Variants in FNDC3B observed in about 807,000 individuals in gnomAD.
FNDC3B encodes the protein fibronectin type III domain containing 3B.
FNDC3B carries 12 observed loss-of-function variants against 151.5 expected under a neutral mutation model. The observed-to-expected ratio is 0.08, with a 90% confidence interval of 0.05 to 0.13. The LOEUF is 0.13. Ranked by LOEUF, FNDC3B falls within the 10% of genes least tolerant of loss-of-function variation. The probability of loss-of-function intolerance (pLI) is 1.00; values close to 1 mark genes in which losing one functional copy is unlikely to be tolerated. For missense variants in FNDC3B, 1,214 were observed against 1,505.3 expected (o/e 0.81, Z 3.20); for synonymous variants, 528 against 549.0 (o/e 0.96, Z 0.54).
intron 14 of FNDC3B, 81 bp downstream of exon 14, chr3:172,333,256 C>G (rs564194142): frequency 1.1e-6 from 1 of 905,446 alleles, no homozygotes; most frequent in South Asian, 1.3e-5. Flanking sequence ...CAGATTGACT[C>G]TACAGGTTAA....
chr3:172,308,700 A>G (rs540313177), intron 10 of FNDC3B, among the ~76,000 whole-genome samples: 74 of 152,324 alleles, frequency 4.9e-4, no homozygotes, highest in African/African-American at 1.7e-3. Flanking sequence ...CTGGCTTAGA[A>G]TCTGAACTAT....
intron 3 of FNDC3B, among the ~76,000 whole-genome samples, chr3:172,224,752 G>T (rs1051524285): frequency 2.0e-5 from 3 of 152,156 alleles, no homozygotes; most frequent in African/African-American, 7.2e-5. Context: ...TTCCAGCTGA[G>T]CAATTTTCAT....
intron 3 of FNDC3B, among the ~76,000 whole-genome samples, chr3:172,174,006 T>G (rs1382750644): frequency 1.3e-5 from 2 of 152,208 alleles, no homozygotes; most frequent in Non-Finnish European, 2.9e-5. Context: ...GAACTGAGAA[T>G]CCATTCATGG....
In FNDC3B at chr3:172,040,397, C is replaced by T. The variant is rs1715967821; in HGVS notation, c.-29+626C>T. Among the ~76,000 whole-genome samples, 1 of 151,932 alleles carries T rather than the reference C, an allele frequency of 6.6e-6. No individual in the cohort carries two copies. Among genetic ancestry groups the T allele is most frequent in the African/African-American group, 2.4e-5 (1 of 41,418 alleles). On this transcript the variant is annotated intron_variant, in intron 1 of 25. Transcript: ENST00000415807. This position sits in a 1 kb window ranked among gnomAD's most constrained non-coding sequence, Gnocchi z 6.6. ...TCCCGAGCCCGCGCCGGCCTGGCCC[C>T]CCCGTCCCCGGCTGGGCCTCTCCGG...
chr3:172,069,898 T>C, intron 1 of FNDC3B, among the ~76,000 whole-genome samples: 1 of 152,218 alleles, frequency 6.6e-6, no homozygotes, highest in East Asian at 1.9e-4. Flanking sequence ...ATATCGTTTA[T>C]TGTAGCATTC....
chr3:172,318,393 T>G (rs1157070300), intron 11 of FNDC3B, among the ~76,000 whole-genome samples: 2 of 152,226 alleles, frequency 1.3e-5, no homozygotes, highest in African/African-American at 4.8e-5. Context: ...GAGCCTTGTT[T>G]AGGGATTGAG....
At chr3:172,237,687 T>C (rs1022553417) in intron 4 of FNDC3B, 5 of 152,262 alleles carry the variant, frequency 3.3e-5, no homozygotes, top group African/African-American at 1.2e-4. Context: ...GGGGACTTTT[T>C]GTTCATGAAT....
intron 5 of FNDC3B, 101 bp from the exon 6 acceptor site, chr3:172,251,141 AATACTTTAGACTTCCTTT>A (rs1728044883): frequency 7.6e-6 from 6 of 787,296 alleles, no homozygotes; most frequent in African/African-American, 3.5e-5. Flanking sequence ...TCTATTTAGT[AATACTTTAGACTTCCTTT>A]ATACTTTAGA....
chr3:172,387,655 T>TACATGTACCC (rs1185318302), intron 25 of FNDC3B, among the ~76,000 whole-genome samples: 2 of 152,174 alleles, frequency 1.3e-5, no homozygotes, highest in Non-Finnish European at 2.9e-5. Flanking sequence ...AAAATTCCCA[T>TACATGTACCC]ACATGTACCC....
intron 3 of FNDC3B, among the ~76,000 whole-genome samples, chr3:172,134,008 A>C (rs1721239006): frequency 6.6e-6 from 1 of 152,196 alleles, no homozygotes; most frequent in Admixed American, 6.5e-5. Flanking sequence ...GTGAATACCA[A>C]GAGGCAGGTC....
At chr3:172,280,224 C>T (rs1309778444) in intron 6 of FNDC3B, among the ~76,000 whole-genome samples, 2 of 152,192 alleles carry the variant, frequency 1.3e-5, no homozygotes, top group Non-Finnish European at 2.9e-5. Context: ...CATCAACACA[C>T]ATTCTTAATA....
At chr3:172,203,216 C>T (rs1263130622) in intron 3 of FNDC3B, among the ~76,000 whole-genome samples, 1 of 152,224 alleles carries the variant, frequency 6.6e-6, no homozygotes, top group Admixed American at 6.5e-5. Flanking sequence ...TCCCCTGTGG[C>T]ACTTACTCAT....
intron 25 of FNDC3B, among the ~76,000 whole-genome samples, chr3:172,396,146 G>A (rs760054214): frequency 6.6e-6 from 1 of 152,200 alleles, no homozygotes; most frequent in Non-Finnish European, 1.5e-5. Flanking sequence ...GAAATAACCC[G>A]AATGTCCATC....
intron 3 of FNDC3B, among the ~76,000 whole-genome samples, chr3:172,150,216 A>T (rs1722150289): frequency 6.6e-6 from 1 of 152,138 alleles, no homozygotes; most frequent in South Asian, 2.1e-4. Context: ...ACCTTCAGAG[A>T]TTTAGATACA....
At chr3:172,273,560 T>C (rs963402427) in intron 6 of FNDC3B, among the ~76,000 whole-genome samples, 1 of 152,174 alleles carries the variant, frequency 6.6e-6, no homozygotes, top group Non-Finnish European at 1.5e-5. Context: ...ATTTTCTGGG[T>C]AGATTAGTGT....
chr3:172,219,559 C>T (rs1316866158), intron 3 of FNDC3B, among the ~76,000 whole-genome samples: 1 of 152,206 alleles, frequency 6.6e-6, no homozygotes, highest in African/African-American at 2.4e-5. Flanking sequence ...GTTTCCAAAA[C>T]GTTTTTCATC....
chr3:172,119,726 T>C lies in FNDC3B; in HGVS notation c.111+7136T>C, dbSNP rs930658124. On this transcript the variant is annotated intron_variant, in intron 2 of 25. Coordinates refer to ENST00000415807, the MANE Select transcript of FNDC3B (RefSeq NM_022763.4). ...CTGCATAGTCGGTGATCTCTTTGCTTGAACTTCTGCTACTTAGTGTCTTTG... is the reference window on the plus strand; with the variant it reads ...CTGCATAGTCGGTGATCTCTTTGCTCGAACTTCTGCTACTTAGTGTCTTTG... 2.6e-5 allele frequency among the ~76,000 whole-genome samples: 4 copies of C among 152,196 alleles called. No homozygotes were observed. In the East Asian group the frequency reaches 7.7e-4, roughly 29 times the overall value.
chr3:172,294,822 A>G (rs1239046228), intron 7 of FNDC3B, among the ~76,000 whole-genome samples: 1 of 152,220 alleles, frequency 6.6e-6, no homozygotes, highest in East Asian at 1.9e-4. Context: ...CTAAACCAAA[A>G]GTATGAAAGC....
chr3:172,056,800 T>C (rs990637639), intron 1 of FNDC3B, among the ~76,000 whole-genome samples: 4 of 152,260 alleles, frequency 2.6e-5, no homozygotes, highest in Non-Finnish European at 5.9e-5. Flanking sequence ...TAAAAGCGTA[T>C]GTGAATATTA....
Sources: allele counts gnomAD v4.1 joint callset (sites outside exome capture counted in the v4.1 genomes callset), GRCh38; gene constraint gnomAD v4.1.1; non-coding constraint Gnocchi (gnomAD v3.1); transcripts MANE v1.5; gene names NCBI Gene and HGNC (gene_info 2026-07-23, HGNC 2026-07-21).